The following OPCML variants were observed in gnomAD, a reference collection of about 807,000 sequenced individuals.
The protein encoded by OPCML is opioid binding protein/cell adhesion molecule like.
OPCML carries 13 observed loss-of-function variants against 37.8 expected under a neutral mutation model. The observed-to-expected ratio is 0.34, with a 90% CI of 0.22 to 0.55. The LOEUF is 0.55. Ranked by LOEUF, OPCML falls within the 20% of genes least tolerant of loss-of-function variation. The probability of loss-of-function intolerance (pLI) is 0.91; values close to 1 mark genes in which losing one functional copy is unlikely to be tolerated. For missense variants in OPCML, 341 were observed against 435.6 expected, an observed-to-expected ratio of 0.78 and a Z score of 1.93; for synonymous variants, 176 against 168.8, an observed-to-expected ratio of 1.04 and a Z score of -0.33.
At chr11:133,361,568 CTCCGGGGCACCTGCAGCTAT>C (rs1343853064) in intron 1 of OPCML, 84 of 160,300 alleles carry the variant, frequency 5.2e-4, no homozygotes, top group Middle Eastern at 6.3e-3. Context: ...CCTGCAGCTA[CTCCGGGGCACCTGCAGCTAT>C]TCCGGGGCAC....
At chr11:133,390,872 C>G (rs1945160409) in intron 1 of OPCML, among the ~76,000 whole-genome samples, 1 of 152,182 alleles carries the variant, frequency 6.6e-6, no homozygotes, top group South Asian at 2.1e-4. Flanking sequence ...CCATTCCACT[C>G]TGGCCAGGCA....
intron 1 of OPCML, among the ~76,000 whole-genome samples, chr11:133,459,069 T>C (rs918461196): frequency 6.6e-6 from 1 of 152,052 alleles, no homozygotes; most frequent in Non-Finnish European, 1.5e-5. Flanking sequence ...ATTTGTGACC[T>C]TGGCAACATA....
chr11:132,488,337 C>T (rs1041844481), intron 4 of OPCML, among the ~76,000 whole-genome samples: 1 of 152,176 alleles, frequency 6.6e-6, no homozygotes, highest in Non-Finnish European at 1.5e-5. Context: ...CTTGTGTGAA[C>T]ACCCTAGAGT....
At chr11:133,304,923 A>G (rs1288551475) in intron 1 of OPCML, among the ~76,000 whole-genome samples, 2 of 152,210 alleles carry the variant, frequency 1.3e-5, no homozygotes, top group Non-Finnish European at 2.9e-5. Context: ...ATAGTCAAAT[A>G]TCTTGAATTC....
intron 1 of OPCML, among the ~76,000 whole-genome samples, chr11:133,423,678 A>G (rs1345380845): frequency 6.6e-6 from 1 of 152,192 alleles, no homozygotes; most frequent in Admixed American, 6.5e-5. Context: ...TGAGAGACTG[A>G]TACAATTTGG....
At chr11:132,660,624 T>C (rs1340356522) in intron 2 of OPCML, among the ~76,000 whole-genome samples, 1 of 152,208 alleles carries the variant, frequency 6.6e-6, no homozygotes, top group Non-Finnish European at 1.5e-5. Context: ...TATTTTAATA[T>C]GCTAAATCAC....
At chr11:132,928,023 A>G (rs1945058307) in intron 2 of OPCML, among the ~76,000 whole-genome samples, 1 of 152,102 alleles carries the variant, frequency 6.6e-6, no homozygotes, top group Non-Finnish European at 1.5e-5. Flanking sequence ...AAAAACTAAA[A>G]TAAACACAAA....
chr11:133,061,622 C>T (rs1040757294), intron 1 of OPCML, among the ~76,000 whole-genome samples: 2 of 152,288 alleles, frequency 1.3e-5, no homozygotes, highest in African/African-American at 2.4e-5. Flanking sequence ...CCTACCTAGT[C>T]TTACACTCAT....
intron 4 of OPCML, among the ~76,000 whole-genome samples, chr11:132,453,601 A>G (rs2096074031): frequency 6.6e-6 from 1 of 152,262 alleles, no homozygotes; most frequent in Non-Finnish European, 1.5e-5. Flanking sequence ...CTGATTACTC[A>G]TAACTAAATA....
At chr11:132,538,379 A>T (rs2096346503) in intron 3 of OPCML, among the ~76,000 whole-genome samples, 1 of 152,200 alleles carries the variant, frequency 6.6e-6, no homozygotes, top group South Asian at 2.1e-4. Flanking sequence ...TAAAAAATGC[A>T]TTGGTGGTTG....
At chr11:133,328,873 G>A (rs926621785) in intron 1 of OPCML, among the ~76,000 whole-genome samples, 1 of 152,088 alleles carries the variant, frequency 6.6e-6, no homozygotes, top group Non-Finnish European at 1.5e-5. Context: ...TATTCAATTA[G>A]GAAAAGAGGA....
intron 1 of OPCML, among the ~76,000 whole-genome samples, chr11:133,234,907 C>A (rs538133434): frequency 2.0e-5 from 3 of 152,098 alleles, no homozygotes; most frequent in African/African-American, 7.2e-5. Context: ...TCTGGCCAAG[C>A]CTATTTCCAT....
intron 1 of OPCML, among the ~76,000 whole-genome samples, chr11:133,266,493 C>A (rs1941663386): frequency 6.6e-6 from 1 of 152,182 alleles, no homozygotes; most frequent in Admixed American, 6.5e-5. Flanking sequence ...CCATCACAAT[C>A]TTCATCATAC....
At chr11:132,648,521 C>CT (rs770218241) in intron 3 of OPCML, among the ~76,000 whole-genome samples, 7,067 of 139,438 alleles carry the variant, frequency 0.051, 219 homozygotes, top group African/African-American at 0.087. Flanking sequence ...TTCTCTCTGT[C>CT]TTTTTTTTTT....
At chr11:133,279,468 G>A (rs1202389804) in intron 1 of OPCML, among the ~76,000 whole-genome samples, 1 of 152,188 alleles carries the variant, frequency 6.6e-6, no homozygotes, top group African/African-American at 2.4e-5. Context: ...GAACACTCCT[G>A]ATAAGCAGCC....
intron 1 of OPCML, among the ~76,000 whole-genome samples, chr11:133,522,020 T>G (rs1331851619): frequency 1.3e-5 from 2 of 152,204 alleles, no homozygotes; most frequent in Non-Finnish European, 2.9e-5. Flanking sequence ...TTGTTTTGAT[T>G]GCACCCATGT....
At chr11:133,368,029 A>T (rs961066147) in intron 1 of OPCML, among the ~76,000 whole-genome samples, 7 of 152,186 alleles carry the variant, frequency 4.6e-5, no homozygotes, top group African/African-American at 1.2e-4. Flanking sequence ...GTAAAAATTG[A>T]TGCAAAGAAC....
At chr11:132,785,113 T>C (rs1947164043) in intron 2 of OPCML, among the ~76,000 whole-genome samples, 2 of 152,202 alleles carry the variant, frequency 1.3e-5, no homozygotes, top group Admixed American at 1.3e-4. Context: ...TCTACCTATA[T>C]TGTATTACAA....
At chr11:133,146,791 A>G (rs1348332591) in intron 1 of OPCML, among the ~76,000 whole-genome samples, 2 of 152,190 alleles carry the variant, frequency 1.3e-5, no homozygotes, top group Admixed American at 6.5e-5. Context: ...TGTCTCTTGC[A>G]TAAGTAGGGA....
Sources: allele counts gnomAD v4.1 joint callset (sites outside exome capture counted in the v4.1 genomes callset), GRCh38; gene constraint gnomAD v4.1.1; transcripts MANE v1.5; gene names NCBI Gene and HGNC (gene_info 2026-07-23, HGNC 2026-07-21).